GBF1: variants seen among roughly 807,000 people sequenced by gnomAD.
GBF1 encodes golgi brefeldin A resistant guanine nucleotide exchange factor 1.
GBF1 carries 114 observed loss-of-function variants against 210.5 expected under a neutral mutation model. The observed-to-expected ratio is 0.54, with a 90% CI of 0.47 to 0.63. The LOEUF (loss-of-function observed/expected upper bound fraction) is 0.63, where lower values mean the gene tolerates loss of function less well. Ranked by LOEUF, GBF1 falls within the 30% of genes least tolerant of loss-of-function variation. The probability of loss-of-function intolerance (pLI) is 0.00; values close to 1 mark genes in which losing one functional copy is unlikely to be tolerated. For missense variants in GBF1, 1,851 were observed against 2,357.7 expected, an observed-to-expected ratio of 0.79 and a Z score of 4.45; for synonymous variants, 850 against 889.2, an observed-to-expected ratio of 0.96 and a Z score of 0.78.
Position 102,366,904 on chromosome 10 carries a change from CAGAG to C in GBF1, c.2434-178_2434-175del, listed in dbSNP as rs1299195384. 6.6e-6 allele frequency among the ~76,000 whole-genome samples: 1 copy of C among 152,028 alleles called. No homozygotes were observed. The highest frequency in any genetic ancestry group is 2.4e-5 in the African/African-American group (1 of 41,372). On this transcript the variant is annotated intron_variant, in intron 19 of 39. Coordinates refer to ENST00000369983, the MANE Select transcript of GBF1 (RefSeq NM_001377137.1). This position sits in a 1 kb window ranked among gnomAD's most constrained non-coding sequence, Gnocchi z 4.0. ...CCCAGCCTGCTGTCTCTTAAAAAGTCAGAGAGCAAAATTAGTGACCTTTCCACAA... is the reference window on the plus strand; with the variant it reads ...CCCAGCCTGCTGTCTCTTAAAAAGTCAGCAAAATTAGTGACCTTTCCACAA...
intron 3 of GBF1, among the ~76,000 whole-genome samples, chr10:102,335,777 G>A (rs1349958767): frequency 6.6e-6 from 1 of 152,110 alleles, no homozygotes; most frequent in Non-Finnish European, 1.5e-5. Flanking sequence ...GCATGGCGCA[G>A]GTAATAAATG....
rs1336102864 is a variant in GBF1 at position 102,363,056 on chromosome 10, G to C, written c.1877-200G>C. Among the ~76,000 whole-genome samples, 2 of 152,178 alleles carry C rather than the reference G, an allele frequency of 1.3e-5. No individual in the cohort carries two copies. The highest frequency in any genetic ancestry group is 4.8e-5 in the African/African-American group (2 of 41,438). On this transcript the variant is annotated intron_variant, in intron 15 of 39. Transcript: ENST00000369983. The surrounding 1 kb of genome is among the most constrained non-coding windows in gnomAD (Gnocchi z 4.2). ...GCAGAAGATCAGGGAAAGTGACTGGGTAATCTCTTCATTAAATTAGAGAAT... is the reference window on the plus strand; with the variant it reads ...GCAGAAGATCAGGGAAAGTGACTGGCTAATCTCTTCATTAAATTAGAGAAT...
chr10:102,376,471 T>C (rs2060501344), intron 31 of GBF1, 39 bp downstream of exon 31: 1 of 1,612,780 alleles, frequency 6.2e-7, no homozygotes, highest in Non-Finnish European at 8.5e-7. Flanking sequence ...TCTCTCCTGC[T>C]TGACCTGTGG....
At chr10:102,324,259 C>T (rs1180077993) in intron 3 of GBF1, among the ~76,000 whole-genome samples, 1 of 152,136 alleles carries the variant, frequency 6.6e-6, no homozygotes, top group Non-Finnish European at 1.5e-5. Context: ...ACACTATGGA[C>T]GTTGCTCAAC....
At chr10:102,237,231 G>C in the GBF1 span, among the ~76,000 whole-genome samples, 6 of 152,210 alleles carry the variant, frequency 3.9e-5, no homozygotes, top group Non-Finnish European at 8.8e-5. Context: ...CTCCCAGACT[G>C]TGGGAGATCA....
chr10:102,308,835 C>T (rs2078162550), intron 3 of GBF1, among the ~76,000 whole-genome samples: 1 of 151,384 alleles, frequency 6.6e-6, no homozygotes, highest in Non-Finnish European at 1.5e-5. Context: ...TGTAACTAAC[C>T]TGCACATTGT....
chr10:102,294,266 T>G (rs952469174), intron 3 of GBF1, among the ~76,000 whole-genome samples: 1 of 152,172 alleles, frequency 6.6e-6, no homozygotes, highest in African/African-American at 2.4e-5. Flanking sequence ...AGCAATGTCC[T>G]AGGCCTTCAC....
chr10:102,356,349 G>T (rs537047276), intron 8 of GBF1, among the ~76,000 whole-genome samples: 62 of 152,344 alleles, frequency 4.1e-4, no homozygotes, highest in African/African-American at 1.5e-3. Flanking sequence ...TTCTGGAAGA[G>T]TGTTGCCATT....
rs759960302 is a variant in GBF1, at chr10:102,256,144, CA to C, written c.-10-2784del. The stretch of plus-strand genomic sequence containing the variant: ...TATTTTTTATAGAGACAGGGTTCGC[CA>C]TGTTGCCAAGGCTGGTCTCGAACTC... On this transcript the variant is annotated intron_variant, in intron 1 of 39. Coordinates refer to ENST00000369983, the MANE Select transcript of GBF1 (RefSeq NM_001377137.1). Among the ~76,000 whole-genome samples the C allele has an allele frequency of 1.1e-4, 17 of 152,176 alleles. 1 individual carries two copies. The highest frequency in any genetic ancestry group is 2.5e-4 in the Non-Finnish European group (17 of 68,032).
At chr10:102,368,529 G>A (rs779716843) in intron 22 of GBF1, 75 bp downstream of exon 22, 3 of 933,822 alleles carry the variant, frequency 3.2e-6, no homozygotes, top group Non-Finnish European at 5.2e-6. Context: ...ATGCCTCTCT[G>A]ACTCCTACTG....
intron 8 of GBF1, among the ~76,000 whole-genome samples, chr10:102,357,475 A>G (rs1359114272): frequency 6.6e-6 from 1 of 151,322 alleles, no homozygotes; most frequent in Non-Finnish European, 1.5e-5. Context: ...TGGCAAAGCT[A>G]GACTCCATCT....
intron 3 of GBF1, among the ~76,000 whole-genome samples, chr10:102,305,284 T>C (rs2077753541): frequency 6.6e-6 from 1 of 151,888 alleles, no homozygotes; most frequent in Non-Finnish European, 1.5e-5. Flanking sequence ...CCACTGTACT[T>C]CTAATTCTGG....
chr10:102,250,098 C>G lies in GBF1; in HGVS notation c.-11+4317C>G, dbSNP rs962392087. Reference sequence around the variant, plus strand: ...CTTTTCAGAAAGTCCATCAGTTTTTCTTGGTTTGCCCAGCTCTGTATTAGA... The same window carrying G: ...CTTTTCAGAAAGTCCATCAGTTTTTGTTGGTTTGCCCAGCTCTGTATTAGA... On this transcript the variant is annotated intron_variant, in intron 1 of 39. Transcript: ENST00000369983. Among the ~76,000 whole-genome samples, 11 of 151,332 alleles carry G rather than the reference C, an allele frequency of 7.3e-5. No individual in the cohort carries two copies. In the East Asian group the frequency reaches 2.1e-3, roughly 29 times the overall value.
chr10:102,243,468 A>T (rs2070588706), upstream of GBF1, among the ~76,000 whole-genome samples: 1 of 152,222 alleles, frequency 6.6e-6, no homozygotes, highest in South Asian at 2.1e-4. Context: ...GGGAATTGTC[A>T]TCTCTCTCCT....
At chr10:102,369,598 A>C in intron 24 of GBF1, 113 bp from the exon 25 acceptor site, 1 of 1,035,264 alleles carries the variant, frequency 9.7e-7, no homozygotes, top group Non-Finnish European at 1.5e-6. Context: ...CAATTGGCAC[A>C]ATAGCATAGG....
At chr10:102,365,320 G>A in intron 17 of GBF1, 77 bp from the exon 18 acceptor site, 1 of 1,060,602 alleles carries the variant, frequency 9.4e-7, no homozygotes, top group Non-Finnish European at 1.4e-6. Context: ...CTGTGGGTGG[G>A]CTATGGTGGA....
rs2059923107 is a variant in GBF1, at chr10:102,366,583, T to TC, written c.2433+78dup. ...AGGGCTGAAGAATCCAGCTGCTGTC[T>TC]CTTTTTTTTTTTTTTTTTTTTGAGA... On this transcript the variant is annotated intron_variant, in intron 19 of 39. Coordinates refer to ENST00000369983, the MANE Select transcript of GBF1 (RefSeq NM_001377137.1). This position sits in a 1 kb window ranked among gnomAD's most constrained non-coding sequence, Gnocchi z 4.0. 1 of 896,362 alleles carries TC rather than the reference T, an allele frequency of 1.1e-6. No individual in the cohort carries two copies. The highest frequency in any genetic ancestry group is 1.8e-5 in the African/African-American group (1 of 54,790). 55.5% of individuals were successfully genotyped at this position (896,362 alleles called of 1,614,324 possible). A position where few individuals can be genotyped will look rare whatever the true frequency, so the allele number is the denominator to read the frequency against.
chr10:102,243,291 G>C (rs2070585295), upstream of GBF1, among the ~76,000 whole-genome samples: 1 of 152,112 alleles, frequency 6.6e-6, no homozygotes, highest in African/African-American at 2.4e-5. Flanking sequence ...CCACCATATT[G>C]AAGGGATCAG....
chr10:102,266,763 C>T (rs1196755827), intron 3 of GBF1, among the ~76,000 whole-genome samples: 2 of 152,178 alleles, frequency 1.3e-5, no homozygotes, highest in Non-Finnish European at 2.9e-5. Context: ...GGTTGCATAG[C>T]GTAATTCTGG....
Sources: allele counts gnomAD v4.1 joint callset (sites outside exome capture counted in the v4.1 genomes callset), GRCh38; gene constraint gnomAD v4.1.1; non-coding constraint Gnocchi (gnomAD v3.1); transcripts MANE v1.5; gene names NCBI Gene and HGNC (gene_info 2026-07-23, HGNC 2026-07-21).